The following DAB1 variants were observed in gnomAD, a reference collection of about 807,000 sequenced individuals.
DAB1 encodes the protein disabled homolog 1.
A neutral mutation model predicts 64.6 loss-of-function variants in DAB1; 15 were observed. The observed-to-expected ratio is 0.23, with a 90% CI of 0.16 to 0.36. DAB1 has a LOEUF of 0.36. Among genes scored for constraint, DAB1 ranks in the 10% least tolerant of loss-of-function variants. The pLI, the probability that DAB1 is intolerant of heterozygous loss-of-function variation, is 1.00. For synonymous variants in DAB1, 235 were observed against 251.9 expected, an observed-to-expected ratio of 0.93 and a Z score of 0.64; for missense variants, 596 against 706.7, an observed-to-expected ratio of 0.84 and a Z score of 1.78.
chr1:57,621,185 GTA>G (rs1389851575), intron 7 of DAB1, among the ~76,000 whole-genome samples: 1 of 151,770 alleles, frequency 6.6e-6, no homozygotes, highest in Non-Finnish European at 1.5e-5. Context: ...GTGTGTGTGT[GTA>G]TGTGTGTGTG....
At chr1:58,064,663 T>A in intron 5 of DAB1, among the ~76,000 whole-genome samples, 1 of 152,330 alleles carries the variant, frequency 6.6e-6, no homozygotes, top group East Asian at 1.9e-4. Flanking sequence ...GGACAGTTGG[T>A]AATGACCATA....
intron 5 of DAB1, among the ~76,000 whole-genome samples, chr1:57,984,469 A>T (rs1027464320): frequency 6.6e-6 from 1 of 152,218 alleles, no homozygotes; most frequent in Non-Finnish European, 1.5e-5. Context: ...ATTGTGATGC[A>T]AAAGAATGCA....
intron 6 of DAB1, among the ~76,000 whole-genome samples, chr1:57,704,175 T>G (rs1305741730): frequency 6.6e-6 from 1 of 152,174 alleles, no homozygotes; most frequent in Non-Finnish European, 1.5e-5. Flanking sequence ...GTACATGTAC[T>G]CCTGAACTTA....
intron 6 of DAB1, among the ~76,000 whole-genome samples, chr1:57,715,769 G>GA (rs891101976): frequency 5.9e-5 from 9 of 151,840 alleles, no homozygotes; most frequent in African/African-American, 1.7e-4. Context: ...ATAAAATCAT[G>GA]AAAAAAAATT....
chr1:57,640,493 C>G (rs1349346087), intron 7 of DAB1, among the ~76,000 whole-genome samples: 1 of 151,984 alleles, frequency 6.6e-6, no homozygotes, highest in African/African-American at 2.4e-5. Context: ...CACAAGAAAC[C>G]AAGCCCACAC....
intron 3 of DAB1, among the ~76,000 whole-genome samples, chr1:58,423,099 T>C (rs1644788261): frequency 6.6e-6 from 1 of 152,146 alleles, no homozygotes; most frequent in African/African-American, 2.4e-5. Context: ...AATAACCTTC[T>C]AGGAAAATGT....
At chr1:57,905,078 C>A (rs113648618) in intron 5 of DAB1, among the ~76,000 whole-genome samples, 2,133 of 152,122 alleles carry the variant, frequency 0.014, 38 homozygotes, top group African/African-American at 0.041. Flanking sequence ...TTATTGCTCA[C>A]AATAACCATA....
intron 5 of DAB1, among the ~76,000 whole-genome samples, chr1:57,970,819 G>T (rs1323375609): frequency 6.6e-6 from 1 of 152,026 alleles, no homozygotes; most frequent in Non-Finnish European, 1.5e-5. Context: ...CTGTGTCCCT[G>T]AGGTCTGTCA....
intron 4 of DAB1, among the ~76,000 whole-genome samples, chr1:58,210,881 A>G (rs1481876904): frequency 3.3e-5 from 5 of 152,150 alleles, no homozygotes; most frequent in African/African-American, 1.2e-4. Context: ...GGCTAATAAG[A>G]AGGAATCTGG....
intron 3 of DAB1, among the ~76,000 whole-genome samples, chr1:58,483,779 G>A (rs1413547204): frequency 6.6e-6 from 1 of 152,210 alleles, no homozygotes; most frequent in Non-Finnish European, 1.5e-5. Context: ...CATCAGGCAT[G>A]AGCCATGACT....
At chr1:58,244,309 G>C (rs547272779) in intron 4 of DAB1, among the ~76,000 whole-genome samples, 2 of 152,258 alleles carry the variant, frequency 1.3e-5, no homozygotes, top group South Asian at 4.1e-4. Context: ...AGGAATTCTA[G>C]GATCTTACAC....
intron 7 of DAB1, among the ~76,000 whole-genome samples, chr1:57,579,431 C>T (rs1448911569): frequency 6.6e-6 from 1 of 152,158 alleles, no homozygotes; most frequent in Non-Finnish European, 1.5e-5. Flanking sequence ...ACAATATTCA[C>T]TCCCTAGGAC....
At chr1:57,625,606 T>C (rs892945664) in intron 7 of DAB1, among the ~76,000 whole-genome samples, 2 of 152,086 alleles carry the variant, frequency 1.3e-5, no homozygotes, top group Admixed American at 6.5e-5. Flanking sequence ...TTAAAGTATG[T>C]CTTGAAGGAT....
chr1:58,482,374 G>A (rs1569861349), intron 3 of DAB1, among the ~76,000 whole-genome samples: 1 of 152,318 alleles, frequency 6.6e-6, no homozygotes, highest in Admixed American at 6.5e-5. Flanking sequence ...GCAGGGTTGA[G>A]GGACTGGCTG....
At chr1:57,952,504 A>G (rs961413223) in intron 5 of DAB1, among the ~76,000 whole-genome samples, 2 of 152,064 alleles carry the variant, frequency 1.3e-5, no homozygotes, top group South Asian at 4.2e-4. Context: ...AAATGAGCCT[A>G]ACACATGTGG....
intron 4 of DAB1, among the ~76,000 whole-genome samples, chr1:57,094,220 A>T (rs1653954757): frequency 6.6e-6 from 1 of 151,178 alleles, no homozygotes; most frequent in African/African-American, 2.4e-5. Context: ...TGAATTTTTC[A>T]CCCCTTCAAT....
intron 2 of DAB1, among the ~76,000 whole-genome samples, chr1:57,222,116 T>C (rs1056441072): frequency 2.0e-5 from 3 of 152,184 alleles, no homozygotes; most frequent in Non-Finnish European, 2.9e-5. Context: ...TTGTTCCTTT[T>C]TTTTCTTTTC....
rs553817022 is a variant in DAB1 at position 57,933,617 on chromosome 1, G to T, written n.388-49455C>A. ...CATTTATATAAATATACCACAGTTTGCTTATCCTCTTACTAATGAACACAT... is the reference window on the plus strand; with the variant it reads ...CATTTATATAAATATACCACAGTTTTCTTATCCTCTTACTAATGAACACAT... On this transcript the variant is annotated intron_variant and non_coding_transcript_variant, in intron 5 of 20. Coordinates refer to the DAB1 transcript ENST00000485760. Among the ~76,000 whole-genome samples the T allele has an allele frequency of 1.4e-3, 218 of 152,152 alleles. 4 individuals carry two copies. In the South Asian group the frequency reaches 0.022, roughly 16 times the overall value.
At chr1:57,629,781 GA>G (rs1255675816) in intron 7 of DAB1, among the ~76,000 whole-genome samples, 2 of 148,664 alleles carry the variant, frequency 1.3e-5, no homozygotes, top group East Asian at 3.9e-4. Flanking sequence ...TGACCTGCCA[GA>G]AGGAGGCCTT....
Sources: gnomAD v4.1 joint callset for allele counts (sites outside exome capture counted in the v4.1 genomes callset) on GRCh38, gnomAD v4.1.1 for gene constraint, MANE v1.5 for transcripts, NCBI Gene and HGNC (gene_info 2026-07-23, HGNC 2026-07-21) for gene names.